The following SPATA18 variants were observed in gnomAD, a reference collection of about 807,000 sequenced individuals.
SPATA18 encodes spermatogenesis associated 18.
Under a neutral mutation model 68.1 loss-of-function variants are expected in SPATA18, and 54 were observed. The ratio of observed to expected loss-of-function variants is 0.79; its 90% CI spans 0.64 to 0.99. The LOEUF (loss-of-function observed/expected upper bound fraction) is 0.99, where lower values mean the gene tolerates loss of function less well. SPATA18 is among the 50% of genes least tolerant of loss of function. SPATA18 has a pLI of 0.00. For missense variants in SPATA18, 724 were observed against 681.1 expected, an observed-to-expected ratio of 1.06 and a Z score of -0.70; for synonymous variants, 242 against 244.8, an observed-to-expected ratio of 0.99 and a Z score of 0.11.
intron 10 of SPATA18, chr4:52,083,446 G>C: frequency 1.0e-6 from 1 of 985,402 alleles, no homozygotes; most frequent in Middle Eastern, 5.2e-4. Context: ...AAAATGTTTT[G>C]TTCCATAAAT....
Position 52,095,281 on chromosome 4 carries a change from T to C in SPATA18, c.*394T>C. On this transcript the variant is annotated 3_prime_UTR_variant, in exon 13 of 13. Coordinates refer to ENST00000295213, the MANE Select transcript of SPATA18 (RefSeq NM_145263.4). ...AAAAGAAAAGATGAATCATTTTAGT[T>C]TGCAGATGGATCGTAAATATAATTG... 1 of 207,774 alleles carries C rather than the reference T, an allele frequency of 4.8e-6. No homozygotes were observed. The highest frequency in any genetic ancestry group is 9.6e-6 in the Non-Finnish European group (1 of 104,582). 12.9% of individuals were successfully genotyped at this position (207,774 alleles called of 1,614,324 possible). A position where few individuals can be genotyped will look rare whatever the true frequency, so the allele number is the denominator to read the frequency against.
chr4:52,084,890 C>G, intron 10 of SPATA18, 26 bp from the exon 11 acceptor site: 1 of 1,610,072 alleles, frequency 6.2e-7, no homozygotes, highest in Non-Finnish European at 8.5e-7. Context: ...CTGACTATGT[C>G]TCTCTCTTTC....
At chr4:52,076,717 T>G (rs1560598619) in intron 6 of SPATA18, 62 bp from the exon 7 acceptor site, 1 of 1,591,504 alleles carries the variant, frequency 6.3e-7, no homozygotes, top group South Asian at 1.2e-5. Context: ...CACCAGATGA[T>G]CTTTGCTTTA....
At chr4:52,060,303 G>T in intron 1 of SPATA18, 116 bp from the exon 2 acceptor site, 2 of 727,980 alleles carry the variant, frequency 2.7e-6, no homozygotes, top group Admixed American at 2.7e-5. Context: ...CAGCAGTCCT[G>T]CCACAAAAGC....
chr4:52,087,588 G>A lies in SPATA18; in HGVS notation c.1563+2589G>A, dbSNP rs557768924. On this transcript the variant is annotated intron_variant, in intron 11 of 12. Transcript: ENST00000295213. ...AAAGATCAGATGGTTGTAGCTGTAT[G>A]GTTTTATTTCTGAGGCCTCTGTTCT... 1.6e-3 allele frequency among the ~76,000 whole-genome samples: 245 copies of A among 152,176 alleles called. 1 individual carries two copies. Among genetic ancestry groups the A allele is most frequent in the African/African-American group, 5.6e-3 (234 of 41,510 alleles).
intron 6 of SPATA18, among the ~76,000 whole-genome samples, chr4:52,074,863 G>T (rs1262744323): frequency 6.6e-6 from 1 of 152,158 alleles, no homozygotes; most frequent in Non-Finnish European, 1.5e-5. Flanking sequence ...GGGTAGGAAG[G>T]TGTGATAAGA....
At position 52,076,988 on chromosome 4, in the gene SPATA18, G is replaced by A. The variant is rs546839772; in HGVS notation, c.968G>A (p.Arg323His). 2.5e-5 allele frequency: 40 copies of A among 1,613,092 alleles called. No homozygotes were observed. Among genetic ancestry groups the A allele is most frequent in the Admixed American group, 1.3e-4 (8 of 59,872 alleles). The change falls in exon 7 of 13, where the codon CGC (arginine) becomes CAC (histidine). Residue 323 changes from arginine (R) to histidine (H), a missense_variant. Coordinates refer to ENST00000295213, the MANE Select transcript of SPATA18 (RefSeq NM_145263.4). The part of the protein sequence containing the change: ...ARLDAQCLLR[R>H]CIDKAETVQR... ...CTGGACGCGCAGTGCCTGCTGCGGCGCTGCATCGACAAGGCTGAGACCGTT... is the reference window on the plus strand; with the variant it reads ...CTGGACGCGCAGTGCCTGCTGCGGCACTGCATCGACAAGGCTGAGACCGTT...
intron 11 of SPATA18, 27 bp from the exon 12 acceptor site, chr4:52,094,500 T>G: frequency 6.2e-7 from 1 of 1,608,126 alleles, no homozygotes; most frequent in Non-Finnish European, 8.5e-7. Context: ...TACTATGTAA[T>G]TCACATTATT....
intron 11 of SPATA18, among the ~76,000 whole-genome samples, chr4:52,091,584 T>A (rs568513922): frequency 6.6e-6 from 1 of 152,334 alleles, no homozygotes; most frequent in African/African-American, 2.4e-5. Context: ...CCTGTTTGCC[T>A]GGGTATCACC....
At position 52,096,318 on chromosome 4, in the gene SPATA18, G is replaced by C. The variant is rs1742419370; in HGVS notation, c.*1431G>C. ...CATGACTTGGTCATCAGCTTGCTTT[G>C]TGGCACTGAGCAAGTTACTTCACTT... is the stretch of plus-strand genomic sequence containing the variant. On this transcript the variant is annotated 3_prime_UTR_variant, in exon 13 of 13. Transcript: ENST00000295213. 6.6e-6 allele frequency: 1 copy of C among 152,100 alleles called. No individual in the cohort carries two copies. Among genetic ancestry groups the C allele is most frequent in the African/African-American group, 2.4e-5 (1 of 41,416 alleles). 9.4% of individuals were successfully genotyped at this position (152,100 alleles called of 1,614,324 possible). A position where few individuals can be genotyped will look rare whatever the true frequency, so the allele number is the denominator to read the frequency against.
intron 4 of SPATA18, among the ~76,000 whole-genome samples, chr4:52,064,188 T>TATAC (rs1739130590): frequency 6.7e-6 from 1 of 150,354 alleles, no homozygotes. Flanking sequence ...TCTTTCTATA[T>TATAC]ATATATATAT....
At chr4:52,057,145 A>C (rs892964044) in intron 1 of SPATA18, among the ~76,000 whole-genome samples, 4 of 150,642 alleles carry the variant, frequency 2.7e-5, no homozygotes, top group Non-Finnish European at 4.4e-5. Context: ...TCTCCATCTC[A>C]CTTCCCCATC....
At chr4:52,087,414 T>A (rs549434314) in intron 11 of SPATA18, among the ~76,000 whole-genome samples, 1 of 152,202 alleles carries the variant, frequency 6.6e-6, no homozygotes, top group African/African-American at 2.4e-5. Context: ...TACATTTAAG[T>A]CTTTGGTCCA....
chr4:52,089,233 C>A (rs1344591378), intron 11 of SPATA18, among the ~76,000 whole-genome samples: 1 of 151,944 alleles, frequency 6.6e-6, no homozygotes, highest in Non-Finnish European at 1.5e-5. Context: ...TTAAAAAAAC[C>A]AGCTCCTGGA....
At chr4:52,067,561 C>A (rs1375939342) in intron 4 of SPATA18, among the ~76,000 whole-genome samples, 3 of 152,172 alleles carry the variant, frequency 2.0e-5, no homozygotes, top group African/African-American at 7.2e-5. Context: ...CCTGAAAGAA[C>A]TTTTCAGTCT....
chr4:52,076,875 AC>A lies in SPATA18; in HGVS notation c.857del (p.Pro286ArgfsTer60). On this transcript the variant is annotated frameshift_variant, in exon 7 of 13. Transcript: ENST00000295213. LOFTEE classifies it high-confidence loss of function. Reference sequence around the variant, plus strand: ...CCTCCACCGCTGTCAAGGTCAGGAGACCGTCCCCAAACCGCTCCAAGCTGTC... The same window carrying A: ...CCTCCACCGCTGTCAAGGTCAGGAGACGTCCCCAAACCGCTCCAAGCTGTC... Reference protein sequence around the residue: ...SPSTAVKVRRPSPNRSKLSNV... With the variant: ...SPSTAVKVRRXSPNRSKLSNV... The A allele has an allele frequency of 3.1e-6, 5 of 1,614,160 alleles. No individual in the cohort carries two copies. The highest frequency in any genetic ancestry group is 4.2e-6 in the Non-Finnish European group (5 of 1,180,012).
chr4:52,081,818 C>T (rs969251468), intron 9 of SPATA18, among the ~76,000 whole-genome samples: 5 of 132,206 alleles, frequency 3.8e-5, no homozygotes, highest in African/African-American at 1.3e-4. Context: ...TGTTTTTAAT[C>T]AATGTCATCT....
intron 11 of SPATA18, among the ~76,000 whole-genome samples, chr4:52,088,472 T>C (rs1741636072): frequency 1.3e-5 from 2 of 152,160 alleles, no homozygotes; most frequent in South Asian, 4.2e-4. Context: ...TTATTGAGAG[T>C]TTTTTAGCAT....
chr4:52,051,832 A>T (rs529592843), intron 1 of SPATA18, 41 bp downstream of exon 1: 2 of 1,562,950 alleles, frequency 1.3e-6, no homozygotes, highest in Admixed American at 3.4e-5. Flanking sequence ...GCCCTCCCAT[A>T]GGTTCCAGCA....
Sources: gnomAD v4.1 joint callset for allele counts (sites outside exome capture counted in the v4.1 genomes callset) on GRCh38, gnomAD v4.1.1 for gene constraint, MANE v1.5 for transcripts, NCBI Gene and HGNC (gene_info 2026-07-23, HGNC 2026-07-21) for gene names.